Variants in ARSG observed in about 807,000 individuals in gnomAD.
ARSG encodes the protein arylsulfatase G, also known as ASG.
In ARSG, 37 loss-of-function variants were observed where a neutral mutation model predicts 50.5. The ratio of observed to expected loss-of-function variants is 0.73; its 90% confidence interval spans 0.56 to 0.96. The LOEUF (loss-of-function observed/expected upper bound fraction) is 0.96, where lower values mean the gene tolerates loss of function less well. Ranked by LOEUF, ARSG falls within the 50% of genes least tolerant of loss-of-function variation. The probability of loss-of-function intolerance (pLI) is 0.00; values close to 1 mark genes in which losing one functional copy is unlikely to be tolerated. For synonymous variants in ARSG, 225 were observed against 254.6 expected (o/e 0.88, Z 1.11); for missense variants, 629 against 675.3 (o/e 0.93, Z 0.76).
intron 8 of ARSG, 94 bp downstream of exon 8, chr17:68,370,618 T>A: frequency 8.8e-7 from 1 of 1,138,718 alleles, no homozygotes; most frequent in Non-Finnish European, 1.3e-6. Context: ...ACAACTTATA[T>A]CTGGGCCTTA....
At chr17:68,292,647 G>C (rs879980048) in intron 1 of ARSG, among the ~76,000 whole-genome samples, 13 of 152,106 alleles carry the variant, frequency 8.5e-5, no homozygotes, top group Non-Finnish European at 1.6e-4. Flanking sequence ...GTGCATGCAC[G>C]GAGGGTCGCC....
At chr17:68,344,152 A>G (rs1416906714) in intron 3 of ARSG, among the ~76,000 whole-genome samples, 3 of 152,168 alleles carry the variant, frequency 2.0e-5, no homozygotes, top group African/African-American at 7.2e-5. Flanking sequence ...CAGCGACTTT[A>G]GGCCCCTGAA....
chr17:68,427,510 C>T (rs1002324118), downstream of ARSG: 14 of 275,826 alleles, frequency 5.1e-5, no homozygotes, highest in African/African-American at 2.2e-4. Context: ...GCACCCACCA[C>T]AGCGCCTGGC....
chr17:68,451,041 T>C, the ARSG span: 7 of 1,190,460 alleles, frequency 5.9e-6, no homozygotes, highest in South Asian at 3.3e-5. Flanking sequence ...GAGCTTGCAT[T>C]GACAGTGATC....
intron 1 of ARSG, among the ~76,000 whole-genome samples, chr17:68,295,112 C>T (rs1414968050): frequency 7.3e-5 from 10 of 137,340 alleles, no homozygotes; most frequent in Non-Finnish European, 1.7e-4. Flanking sequence ...CCTGTGAGTC[C>T]TGGGGGATTG....
chr17:68,323,451 T>C (rs1282788996), intron 2 of ARSG, among the ~76,000 whole-genome samples: 1 of 152,164 alleles, frequency 6.6e-6, no homozygotes, highest in Non-Finnish European at 1.5e-5. Context: ...GCTCTTGCTA[T>C]GTTGCCGAGG....
the ARSG span, among the ~76,000 whole-genome samples, chr17:68,450,469 C>A: frequency 1.1e-4 from 16 of 152,164 alleles, no homozygotes; most frequent in African/African-American, 3.9e-4. Flanking sequence ...CCAATCTGTA[C>A]CCTAGGGAGA....
rs1437468219 is a variant in ARSG at position 68,372,788 on chromosome 17, G to A, written c.982+2264G>A. 1.3e-5 allele frequency among the ~76,000 whole-genome samples: 2 copies of A among 151,306 alleles called. 1 individual carries two copies. The highest frequency in any genetic ancestry group is 3.9e-4 in the East Asian group (2 of 5,142). ...CCAGGAGGTCTCCACTAGCACTCCC[G>A]TCATCGTATTAGTCTGGCAGGATAA... is the stretch of plus-strand genomic sequence containing the variant. On this transcript the variant is annotated intron_variant, in intron 8 of 11. Coordinates refer to ENST00000621439, the MANE Select transcript of ARSG (RefSeq NM_001267727.2).
At chr17:68,398,258 T>C (rs1474537001) in intron 10 of ARSG, among the ~76,000 whole-genome samples, 1 of 152,236 alleles carries the variant, frequency 6.6e-6, no homozygotes, top group Non-Finnish European at 1.5e-5. Context: ...TGTACATATG[T>C]ATGCCTATGC....
At chr17:68,427,068 C>T (rs1016683749), downstream of ARSG, 11 of 1,302,722 alleles carry the variant, frequency 8.4e-6, no homozygotes, top group East Asian at 4.6e-5. Context: ...GGGGAGGGAG[C>T]GTGCAGGGAG....
At position 68,378,260 on chromosome 17, in the gene ARSG, G is replaced by T. The variant is rs1599958956; in HGVS notation, c.983-6804G>T. On this transcript the variant is annotated intron_variant, in intron 8 of 11. Coordinates refer to ENST00000621439, the MANE Select transcript of ARSG (RefSeq NM_001267727.2). The surrounding 1 kb of genome is among the most constrained non-coding windows in gnomAD (Gnocchi z 4.4). ...AAGAGAGAAGGCGGTCAATGTTTTC[G>T]CAACGGAGTAGGACAAACAGTACCC... Among the ~76,000 whole-genome samples, 2 of 152,214 alleles carry T rather than the reference G, an allele frequency of 1.3e-5. No homozygotes were observed. The highest frequency in any genetic ancestry group is 1.3e-4 in the Admixed American group (2 of 15,286).
chr17:68,430,046 G>A, the ARSG span: 2 of 1,614,202 alleles, frequency 1.2e-6, no homozygotes, highest in Non-Finnish European at 1.7e-6. Flanking sequence ...AGCGTGCAGT[G>A]GCAAAAGCCC....
Position 68,361,685 on chromosome 17 carries a change from G to C in ARSG, c.704+4881G>C, listed in dbSNP as rs188425048. Among the ~76,000 whole-genome samples, 1,023 of 152,208 alleles carry C rather than the reference G, an allele frequency of 6.7e-3. 55 individuals carry two copies. Among genetic ancestry groups the C allele is most frequent in the Admixed American group, 0.063 (959 of 15,266 alleles). ...TCCCAGCACTTTGGGAGGCCGAGGTGGGTAGATCACATGCAGTCAGAAGAA... is the reference window on the plus strand; with the variant it reads ...TCCCAGCACTTTGGGAGGCCGAGGTCGGTAGATCACATGCAGTCAGAAGAA... On this transcript the variant is annotated intron_variant, in intron 6 of 11. Transcript: ENST00000621439.
intron 2 of ARSG, among the ~76,000 whole-genome samples, chr17:68,309,791 A>T (rs962596772): frequency 2.0e-5 from 3 of 151,604 alleles, no homozygotes; most frequent in Non-Finnish European, 4.4e-5. Flanking sequence ...CCTGGGAGGC[A>T]GAGGTTGCAG....
Position 68,343,745 on chromosome 17 carries a change from C to G in ARSG, c.360C>G (p.Thr120=). 1 of 1,614,126 alleles carries G rather than the reference C, an allele frequency of 6.2e-7. No individual in the cohort carries two copies. The highest frequency in any genetic ancestry group is 1.3e-5 in the African/African-American group (1 of 75,064). The change falls in exon 3 of 12, where the codon ACC becomes ACG. Residue 120 remains threonine (T), a synonymous_variant. Transcript: ENST00000621439. The part of the protein sequence containing the change: ...SVGGLPLNET[T]LAEVLQQAGY... ...GAGGCCTTCCGCTCAACGAGACCAC[C>G]TTGGCAGAGGTGCTGCAGCAGGCGG...
At chr17:68,262,067 G>A (rs2075079221) in intron 1 of ARSG, among the ~76,000 whole-genome samples, 3 of 151,904 alleles carry the variant, frequency 2.0e-5, no homozygotes, top group Admixed American at 2.0e-4. Context: ...TCAGGCAGGA[G>A]AATTGCTTGA....
intron 1 of ARSG, chr17:68,274,013 C>A (rs1258286769): frequency 1.2e-6 from 2 of 1,614,004 alleles, no homozygotes; most frequent in Non-Finnish European, 1.7e-6. Context: ...AAGTAGCCCC[C>A]CCAACATCAC....
At chr17:68,259,807 T>C (rs1204631421) in intron 1 of ARSG, among the ~76,000 whole-genome samples, 2 of 152,196 alleles carry the variant, frequency 1.3e-5, no homozygotes, top group African/African-American at 4.8e-5. Flanking sequence ...TTGTGTCTAT[T>C]GTATTGGACA....
At chr17:68,292,227 GGC>G (rs782640391) in intron 1 of ARSG, among the ~76,000 whole-genome samples, 1 of 151,730 alleles carries the variant, frequency 6.6e-6, no homozygotes, top group Non-Finnish European at 1.5e-5. Flanking sequence ...CCCGGCCCGG[GGC>G]GCGCGCGCAC....
Sources: gnomAD v4.1 joint callset for allele counts (sites outside exome capture counted in the v4.1 genomes callset) on GRCh38, gnomAD v4.1.1 for gene constraint, Gnocchi (gnomAD v3.1) non-coding constraint, MANE v1.5 for transcripts, NCBI Gene and HGNC (gene_info 2026-07-23, HGNC 2026-07-21) for gene names.